NAV2: variants seen among roughly 807,000 people sequenced by gnomAD.
NAV2 encodes the protein helicase, APC down-regulated 1.
A neutral mutation model predicts 223.2 loss-of-function variants in NAV2; 54 were observed. The ratio of observed to expected loss-of-function variants is 0.24; its 90% confidence interval spans 0.19 to 0.30. The LOEUF is 0.30. Ranked by LOEUF, NAV2 falls within the 10% of genes least tolerant of loss-of-function variation. NAV2 has a pLI of 1.00. For missense variants in NAV2, 2,806 were observed against 3,147.5 expected (o/e 0.89, Z 2.60); for synonymous variants, 1,279 against 1,239.3 (o/e 1.03, Z -0.67).
rs545674013 is a variant in NAV2 at position 19,904,522 on chromosome 11, A to C, written c.931+11928A>C. ...GGTGAGACCCATAGCCAAAGTTTGC[A>C]GGGTCCATTGTGCCCATGATCCCCA... On this transcript the variant is annotated intron_variant, in intron 6 of 37. Coordinates refer to ENST00000349880, the MANE Select transcript of NAV2 (RefSeq NM_145117.5). Among the ~76,000 whole-genome samples, 117 of 152,328 alleles carry C rather than the reference A, an allele frequency of 7.7e-4. 1 individual carries two copies. In the South Asian group the frequency reaches 0.024, roughly 31 times the overall value.
At chr11:19,893,956 C>A (rs117512038) in intron 6 of NAV2, among the ~76,000 whole-genome samples, 149 of 152,304 alleles carry the variant, frequency 9.8e-4, no homozygotes, top group Non-Finnish European at 1.8e-3. Flanking sequence ...CCTGCATATT[C>A]TCCTTAGAGT....
intron 1 of NAV2, among the ~76,000 whole-genome samples, chr11:19,547,813 C>A (rs2044552790): frequency 6.6e-6 from 1 of 152,174 alleles, no homozygotes; most frequent in Admixed American, 6.5e-5. Context: ...TGAGAACTCA[C>A]TTTTACTATA....
chr11:19,581,586 A>G (rs1404445698), intron 1 of NAV2, among the ~76,000 whole-genome samples: 3 of 152,028 alleles, frequency 2.0e-5, no homozygotes, highest in Non-Finnish European at 2.9e-5. Flanking sequence ...TCATTGTTCA[A>G]TTCCCACCTA....
chr11:20,029,661 A>G (rs574880667), intron 11 of NAV2, among the ~76,000 whole-genome samples: 1 of 152,370 alleles, frequency 6.6e-6, no homozygotes, highest in East Asian at 1.9e-4. Flanking sequence ...ACACAGGGGC[A>G]GTGGCTCAAT....
At position 19,922,449 on chromosome 11, in the gene NAV2, G is replaced by A. The variant is rs531733634; in HGVS notation, c.932-10727G>A. On this transcript the variant is annotated intron_variant, in intron 6 of 37. Transcript: ENST00000349880. Reference sequence around the variant, plus strand: ...TCCTCGTCCTTTAGGGCAAACTATAGTTTCTCAGTGTGTGTTGTAAGATTT... The same window carrying A: ...TCCTCGTCCTTTAGGGCAAACTATAATTTCTCAGTGTGTGTTGTAAGATTT... Among the ~76,000 whole-genome samples the A allele has an allele frequency of 2.0e-5, 3 of 152,260 alleles. No homozygotes were observed. In the East Asian group the frequency reaches 5.8e-4, roughly 29 times the overall value.
At chr11:20,031,648 A>G (rs1014046764) in intron 11 of NAV2, among the ~76,000 whole-genome samples, 2 of 152,036 alleles carry the variant, frequency 1.3e-5, no homozygotes, top group Non-Finnish European at 2.9e-5. Flanking sequence ...TCTGCTTCCC[A>G]CTGTGCCAGC....
In NAV2 at chr11:20,065,125, C is replaced by T. The variant is rs573973132; in HGVS notation, c.4884+2766C>T. Among the ~76,000 whole-genome samples, 20 of 152,332 alleles carry T rather than the reference C, an allele frequency of 1.3e-4. No homozygotes were observed. In the East Asian group the frequency reaches 2.5e-3, roughly 19 times the overall value. ...TACAAGTCTGGCTAGACTCTGCTACCGCCTAGCACTGAGGTGTGGTCCTTT... is the reference window on the plus strand; with the variant it reads ...TACAAGTCTGGCTAGACTCTGCTACTGCCTAGCACTGAGGTGTGGTCCTTT... On this transcript the variant is annotated intron_variant, in intron 20 of 37. Transcript: ENST00000349880.
intron 1 of NAV2, among the ~76,000 whole-genome samples, chr11:19,634,563 G>A (rs775322451): frequency 2.8e-4 from 42 of 152,056 alleles, no homozygotes; most frequent in East Asian, 9.7e-4. Context: ...TCATTTATTC[G>A]TCCATCCATT....
chr11:20,118,056 G>A lies in NAV2; in HGVS notation c.7165-77G>A, dbSNP rs1353080289. The A allele has an allele frequency of 5.8e-6, 9 of 1,556,436 alleles. No individual in the cohort carries two copies. In the Admixed American group the frequency reaches 1.6e-4, roughly 27 times the overall value. Reference sequence around the variant, plus strand: ...TATCCCAGGTGAGTCTGGAGGAGGTGGCATGACCTTTTAGGAGTCCAGGGT... The same window carrying A: ...TATCCCAGGTGAGTCTGGAGGAGGTAGCATGACCTTTTAGGAGTCCAGGGT... On this transcript the variant is annotated intron_variant, in intron 37 of 37. Coordinates refer to ENST00000349880, the MANE Select transcript of NAV2 (RefSeq NM_145117.5).
chr11:19,355,205 A>C (rs1853549120), intron 1 of NAV2, among the ~76,000 whole-genome samples: 1 of 151,046 alleles, frequency 6.6e-6, no homozygotes, highest in African/African-American at 2.4e-5. Context: ...TCACAGACAG[A>C]GGTTTCCCAC....
In NAV2 at chr11:20,103,851, G is replaced by C. The variant is rs908333022; in HGVS notation, c.6644+127G>C. ...TAGGTATTGTTAAGCATTTTTCTCA[G>C]CTTAATCCATTTAATTTTAACTTCA... is the stretch of plus-strand genomic sequence containing the variant. On this transcript the variant is annotated intron_variant, in intron 34 of 37. Transcript: ENST00000349880. 3.6e-6 allele frequency: 3 copies of C among 838,014 alleles called. No homozygotes were observed. In the African/African-American group the frequency reaches 5.1e-5, roughly 14 times the overall value. 51.9% of individuals were successfully genotyped at this position (838,014 alleles called of 1,614,324 possible).
intron 11 of NAV2, 74 bp from the exon 12 acceptor site, chr11:20,035,885 G>T (rs1038524781): frequency 1.3e-5 from 20 of 1,573,290 alleles, no homozygotes; most frequent in African/African-American, 4.1e-5. Flanking sequence ...GATGGTGTTT[G>T]TCTGTCTGTG....
rs200018804 is a variant in NAV2, at chr11:19,762,907, C to T, written c.267+48945C>T. ...GATTACAGGCATGAGCCACTACGCC[C>T]AGCCAGGGAAGTCTTTTTTATTCCT... On this transcript the variant is annotated intron_variant, in intron 1 of 37. Coordinates refer to ENST00000349880, the MANE Select transcript of NAV2 (RefSeq NM_145117.5). Among the ~76,000 whole-genome samples, 45 of 152,306 alleles carry T rather than the reference C, an allele frequency of 3.0e-4. 1 individual carries two copies. In the East Asian group the frequency reaches 8.1e-3, roughly 27 times the overall value.
intron 1 of NAV2, among the ~76,000 whole-genome samples, chr11:19,830,160 G>A (rs2059854102): frequency 6.6e-6 from 1 of 152,162 alleles, no homozygotes; most frequent in African/African-American, 2.4e-5. Flanking sequence ...GGGAGGCGGA[G>A]GTTGCAGTGA....
intron 1 of NAV2, among the ~76,000 whole-genome samples, chr11:19,825,972 C>A (rs2059626048): frequency 6.6e-6 from 1 of 152,172 alleles, no homozygotes. Context: ...CAGCTTCTCT[C>A]CCTCACAGAG....
intron 8 of NAV2, among the ~76,000 whole-genome samples, chr11:19,944,965 T>A (rs2046763569): frequency 6.8e-6 from 1 of 147,536 alleles, no homozygotes; most frequent in Non-Finnish European, 1.5e-5. Flanking sequence ...TCCTTTCCGT[T>A]CCGTTCCTTT....
intron 1 of NAV2, among the ~76,000 whole-genome samples, chr11:19,543,351 G>T (rs1351207432): frequency 1.3e-5 from 2 of 152,142 alleles, no homozygotes; most frequent in Non-Finnish European, 2.9e-5. Flanking sequence ...AGGAACTAGG[G>T]CTTGAACTGC....
At position 19,948,806 on chromosome 11, in the gene NAV2, C is replaced by T. The variant is rs773530667; in HGVS notation, c.2371C>T (p.Arg791Trp). The T allele has an allele frequency of 5.6e-6, 9 of 1,614,012 alleles. No individual in the cohort carries two copies. The highest frequency in any genetic ancestry group is 1.3e-5 in the African/African-American group (1 of 74,982). Residue 791 changes from arginine (R) to tryptophan (W), a missense_variant, in exon 10 of 38, where the codon CGG becomes TGG. This residue lies in a region of NAV2 where 1,167 missense variants were observed against 1,180.5 expected (regional missense o/e 0.99). Transcript: ENST00000349880. ...CTGGAGACTGGGCCAGTCCAGCCCT[C>T]GGCTCCAAGCAGGAGACGCCCCCTC... is the stretch of plus-strand genomic sequence containing the variant. ...LSWRLGQSSP[R>W]LQAGDAPSMG...
intron 1 of NAV2, among the ~76,000 whole-genome samples, chr11:19,647,901 T>G (rs1489651736): frequency 6.6e-6 from 1 of 152,214 alleles, no homozygotes; most frequent in Non-Finnish European, 1.5e-5. Context: ...AACTTTTACA[T>G]TAATCCTCCC....
Sources: gnomAD v4.1 joint callset for allele counts (sites outside exome capture counted in the v4.1 genomes callset) on GRCh38, gnomAD v4.1.1 for gene constraint, gnomAD v4.1.1 regional missense constraint, MANE v1.5 for transcripts, NCBI Gene and HGNC (gene_info 2026-07-23, HGNC 2026-07-21) for gene names.